Variants in FEM1C observed in about 807,000 individuals in gnomAD.
The protein encoded by FEM1C is protein fem-1 homolog C.
In FEM1C, 15 loss-of-function variants were observed where a neutral mutation model predicts 37.6. The observed-to-expected ratio is 0.40, with a 90% CI of 0.27 to 0.61. FEM1C has a LOEUF of 0.61. FEM1C is among the 20% of genes least tolerant of loss of function. The pLI, the probability that FEM1C is intolerant of heterozygous loss-of-function variation, is 0.42. For missense variants in FEM1C, 532 were observed against 749.7 expected (o/e 0.71, Z 3.39); for synonymous variants, 287 against 272.8 (o/e 1.05, Z -0.51).
Position 115,521,637 on chromosome 5 carries a change from A to G in FEM1C, c.*2671T>C, listed in dbSNP as rs1458513669. On this transcript the variant is annotated 3_prime_UTR_variant, in exon 3 of 3. Coordinates refer to ENST00000274457, the MANE Select transcript of FEM1C (RefSeq NM_020177.3). ...GGGCATTTTCATAGAAATGTTAATA[A>G]CTTACACATTAACTCCAGTCAATAA... 1 of 151,890 alleles carries G rather than the reference A, an allele frequency of 6.6e-6. No homozygotes were observed. Among genetic ancestry groups the G allele is most frequent in the Non-Finnish European group, 1.5e-5 (1 of 67,834 alleles). 9.4% of individuals were successfully genotyped at this position (151,890 alleles called of 1,614,324 possible). A position where few individuals can be genotyped will look rare whatever the true frequency, so the allele number is the denominator to read the frequency against.
At position 115,534,008 on chromosome 5, in the gene FEM1C, G is replaced by A. The variant is rs973543847; in HGVS notation, c.545-8391C>T. Among the ~76,000 whole-genome samples the A allele has an allele frequency of 4.0e-5, 6 of 151,882 alleles. 1 individual carries two copies. The Middle Eastern group carries it at 0.01, about 258-fold the overall frequency. On this transcript the variant is annotated intron_variant, in intron 2 of 2. Coordinates refer to ENST00000274457, the MANE Select transcript of FEM1C (RefSeq NM_020177.3). ...TTAAATGGGCATTTCTTAGAAATCC[G>A]GTTAGTGGCACAACATTAAGTATTA...
At chr5:115,533,689 C>T (rs192358141) in intron 2 of FEM1C, among the ~76,000 whole-genome samples, 6 of 152,026 alleles carry the variant, frequency 3.9e-5, no homozygotes, top group Admixed American at 2.6e-4. Flanking sequence ...TCCATCTCCA[C>T]ATCATGTCTT....
intron 2 of FEM1C, among the ~76,000 whole-genome samples, chr5:115,535,355 T>A (rs1201561957): frequency 6.8e-6 from 1 of 146,192 alleles, no homozygotes; most frequent in African/African-American, 2.5e-5. Flanking sequence ...AAGACATACA[T>A]AAGAATATAT....
At chr5:115,533,736 A>G (rs1363884318) in intron 2 of FEM1C, among the ~76,000 whole-genome samples, 1 of 151,990 alleles carries the variant, frequency 6.6e-6, no homozygotes, top group Non-Finnish European at 1.5e-5. Context: ...ACAATGAACA[A>G]TAAAACAACA....
At chr5:115,538,306 C>T (rs1754169260) in intron 2 of FEM1C, among the ~76,000 whole-genome samples, 1 of 151,966 alleles carries the variant, frequency 6.6e-6, no homozygotes, top group Non-Finnish European at 1.5e-5. Context: ...CTTTTCTGAA[C>T]CCCTATATTC....
At chr5:115,541,422 A>G (rs185331158) in intron 2 of FEM1C, among the ~76,000 whole-genome samples, 157 of 152,250 alleles carry the variant, frequency 1.0e-3, no homozygotes, top group South Asian at 2.3e-3. Flanking sequence ...AGATCACACA[A>G]TCTACAGCAA....
chr5:115,534,633 T>TA (rs1197994414), intron 2 of FEM1C, among the ~76,000 whole-genome samples: 2 of 151,874 alleles, frequency 1.3e-5, no homozygotes, highest in South Asian at 2.1e-4. Flanking sequence ...CTGCTCTTTA[T>TA]AAAAAAACAA....
rs758175942 is a variant in FEM1C, at chr5:115,523,100, A to C, written c.*1208T>G. ...ACAAATAATTGAGACCAAAGTAATC[A>C]AAGTAATTCATGCAAGTTATCTTTA... is the stretch of plus-strand genomic sequence containing the variant. On this transcript the variant is annotated 3_prime_UTR_variant, in exon 3 of 3. Coordinates refer to ENST00000274457, the MANE Select transcript of FEM1C (RefSeq NM_020177.3). The C allele has an allele frequency of 9.8e-5, 15 of 152,398 alleles. No individual in the cohort carries two copies. The highest frequency in any genetic ancestry group is 1.9e-4 in the Non-Finnish European group (13 of 67,952). 9.4% of individuals were successfully genotyped at this position (152,398 alleles called of 1,614,324 possible).
intron 2 of FEM1C, among the ~76,000 whole-genome samples, chr5:115,542,378 A>G (rs1345061271): frequency 1.3e-5 from 2 of 152,166 alleles, no homozygotes; most frequent in African/African-American, 4.8e-5. Context: ...ATGTTCTTAT[A>G]AAAGGATTAT....
rs139588472 is a variant in FEM1C at position 115,541,760 on chromosome 5, T to C, written c.544+1190A>G. On this transcript the variant is annotated intron_variant, in intron 2 of 2. Coordinates refer to ENST00000274457, the MANE Select transcript of FEM1C (RefSeq NM_020177.3). ...CTATGTGTGTTGGAGTTGAATGACA[T>C]CCAAGGTTAGAAAAATAAATAAAGA... Among the ~76,000 whole-genome samples, 945 of 152,156 alleles carry C rather than the reference T, an allele frequency of 6.2e-3. 14 individuals are homozygous for C. Among genetic ancestry groups the C allele is most frequent in the African/African-American group, 0.022 (907 of 41,532 alleles).
rs1355438099 is a variant in FEM1C, at chr5:115,542,964, C to T, written c.530G>A (p.Arg177Lys). Residue 177 changes from arginine to lysine, a missense_variant, in exon 2 of 3, where the codon AGA becomes AAA. By Grantham distance (26) the Arg-to-Lys change is conservative. Around this residue, in one of 3 missense-constraint regions of FEM1C, gnomAD observed 221 missense variants for 404.1 expected, o/e 0.55. Coordinates refer to ENST00000274457, the MANE Select transcript of FEM1C (RefSeq NM_020177.3). Reference sequence around the variant, plus strand: ...GCTGAACTCACCTTTGACACTTTTTCTATTAACATCTGCCCCCTTTTCAAG... The same window carrying T: ...GCTGAACTCACCTTTGACACTTTTTTTATTAACATCTGCCCCCTTTTCAAG... ...YLLEKGADVNRKSVKGNTALH... is the reference protein window; with the variant it reads ...YLLEKGADVNKKSVKGNTALH... The T allele has an allele frequency of 1.9e-6, 3 of 1,609,632 alleles. No homozygotes were observed.
At position 115,524,870 on chromosome 5, in the gene FEM1C, C is replaced by T; in HGVS notation, c.1292G>A (p.Cys431Tyr). 2 of 1,613,618 alleles carry T rather than the reference C, an allele frequency of 1.2e-6. No homozygotes were observed. The highest frequency in any genetic ancestry group is 8.5e-7 in the Non-Finnish European group (1 of 1,179,780). The change falls in exon 3 of 3, where the codon TGT becomes TAT. Residue 431 changes from cysteine (C) to tyrosine (Y), a missense_variant. Around this residue, in one of 3 missense-constraint regions of FEM1C, gnomAD observed 237 missense variants for 260.5 expected, o/e 0.91. Coordinates refer to ENST00000274457, the MANE Select transcript of FEM1C (RefSeq NM_020177.3). Reference protein sequence around the residue: ...EIERAIKQTQCPADPLQLNKA... With the variant: ...EIERAIKQTQYPADPLQLNKA... ...ATTTAACTGTAATGGGTCAGCTGGA[C>T]ACTGAGTTTGTTTGATAGCTCGCTC...
At chr5:115,540,641 C>T (rs1754222008) in intron 2 of FEM1C, among the ~76,000 whole-genome samples, 1 of 151,968 alleles carries the variant, frequency 6.6e-6, no homozygotes, top group South Asian at 2.1e-4. Context: ...TTCACAGCTT[C>T]TCAGGAGAAA....
At position 115,523,593 on chromosome 5, in the gene FEM1C, A is replaced by G. The variant is rs1045212894; in HGVS notation, c.*715T>C. On this transcript the variant is annotated 3_prime_UTR_variant, in exon 3 of 3. Coordinates refer to ENST00000274457, the MANE Select transcript of FEM1C (RefSeq NM_020177.3). ...CCTCAGATGTGAAGAAAGTGAAGAA[A>G]AAAACAAACAAAAAAGCTTGAGCTA... The G allele has an allele frequency of 6.6e-6, 1 of 152,534 alleles. No individual in the cohort carries two copies. The highest frequency in any genetic ancestry group is 2.4e-5 in the African/African-American group (1 of 41,460). 9.4% of individuals were successfully genotyped at this position (152,534 alleles called of 1,614,324 possible).
chr5:115,539,705 C>T (rs954939697), intron 2 of FEM1C, among the ~76,000 whole-genome samples: 18 of 151,994 alleles, frequency 1.2e-4, no homozygotes, highest in African/African-American at 4.3e-4. Flanking sequence ...CCTGTCTCTC[C>T]AATCAAACCA....
chr5:115,524,254 T>G lies in FEM1C; in HGVS notation c.*54A>C, dbSNP rs1753835218. The G allele has an allele frequency of 1.4e-6, 2 of 1,448,284 alleles. No individual in the cohort carries two copies. Among genetic ancestry groups the G allele is most frequent in the Non-Finnish European group, 1.9e-6 (2 of 1,036,498 alleles). 89.7% of individuals were successfully genotyped at this position (1,448,284 alleles called of 1,614,324 possible). ...GTGTTATCACAACAGTGCTCATTTA[T>G]GAAACAACTGTTACCAATTCGTGCT... On this transcript the variant is annotated 3_prime_UTR_variant, in exon 3 of 3. Coordinates refer to ENST00000274457, the MANE Select transcript of FEM1C (RefSeq NM_020177.3).
chr5:115,524,543 T>C lies in FEM1C; in HGVS notation c.1619A>G (p.His540Arg). The change falls in exon 3 of 3, where the codon CAT becomes CGT. Residue 540 changes from histidine to arginine, a missense_variant. Around this residue, in one of 3 missense-constraint regions of FEM1C, gnomAD observed 237 missense variants for 260.5 expected, o/e 0.91. Coordinates refer to ENST00000274457, the MANE Select transcript of FEM1C (RefSeq NM_020177.3). ...AATAAGGAGATTCATGATGTCTGGA[T>C]GGTTGTTAAGAGCAGCGATATGCAG... ...SPLHIAALNNHPDIMNLLIKS... is the reference protein window; with the variant it reads ...SPLHIAALNNRPDIMNLLIKS... 1 of 1,613,510 alleles carries C rather than the reference T, an allele frequency of 6.2e-7. No individual in the cohort carries two copies. The highest frequency in any genetic ancestry group is 1.1e-5 in the South Asian group (1 of 91,020).
At position 115,524,701 on chromosome 5, in the gene FEM1C, A is replaced by T. The variant is rs1487519542; in HGVS notation, c.1461T>A (p.His487Gln). 1 of 1,543,570 alleles carries T rather than the reference A, an allele frequency of 6.5e-7. No individual in the cohort carries two copies. The highest frequency in any genetic ancestry group is 8.7e-7 in the Non-Finnish European group (1 of 1,149,892). ...PRGKNNFSPL[H>Q]LAVDKNTTCV... The stretch of plus-strand genomic sequence containing the variant: ...ATGTAGTATTCTTGTCCACAGCCAG[A>T]TGAAGAGGGCTGAAGTTATTCTTTC... Residue 487 changes from histidine to glutamine, a missense_variant, in exon 3 of 3, where the codon CAT (histidine) becomes CAA (glutamine). His to Gln is a conservative substitution (Grantham distance 24, BLOSUM62 0). Around this residue, in one of 3 missense-constraint regions of FEM1C, gnomAD observed 237 missense variants for 260.5 expected, o/e 0.91. Coordinates refer to ENST00000274457, the MANE Select transcript of FEM1C (RefSeq NM_020177.3).
chr5:115,525,682 A>C, intron 2 of FEM1C, 65 bp from the exon 3 acceptor site: 1 of 1,247,418 alleles, frequency 8.0e-7, no homozygotes, highest in Non-Finnish European at 1.1e-6. Flanking sequence ...TGTAATATAT[A>C]TATGCACTTT....
Sources: gnomAD v4.1 joint callset for allele counts (sites outside exome capture counted in the v4.1 genomes callset) on GRCh38, gnomAD v4.1.1 for gene constraint, gnomAD v4.1.1 regional missense constraint, MANE v1.5 for transcripts, NCBI Gene and HGNC (gene_info 2026-07-23, HGNC 2026-07-21) for gene names.